Variants in RIMS1 observed in about 807,000 individuals in gnomAD.
RIMS1 encodes the protein regulating synaptic membrane exocytosis 1.
In RIMS1, 83 loss-of-function variants were observed where a neutral mutation model predicts 214.1. The ratio of observed to expected loss-of-function variants is 0.39; its 90% CI spans 0.32 to 0.47. The LOEUF is 0.47. Among genes scored for constraint, RIMS1 ranks in the 20% least tolerant of loss-of-function variants. The pLI is 0.99. For synonymous variants in RIMS1, 793 were observed against 786.8 expected (o/e 1.01, Z -0.13); for missense variants, 2,050 against 2,161.8 (o/e 0.95, Z 1.03).
At chr6:72,377,579 C>A (rs778853728) in intron 29 of RIMS1, among the ~76,000 whole-genome samples, 2 of 151,964 alleles carry the variant, frequency 1.3e-5, no homozygotes, top group Non-Finnish European at 2.9e-5. Flanking sequence ...GAGTAGGGCC[C>A]CAAGCAGAGG....
In RIMS1 at chr6:72,126,497, G is replaced by A. The variant is rs72936915; in HGVS notation, c.471+26511G>A. On this transcript the variant is annotated intron_variant, in intron 4 of 33. Transcript: ENST00000521978. Reference sequence around the variant, plus strand: ...GAGTAAGCCGACAACCCACAAAATAGGGGAAGAGCTTCACAAACTATGCAT... The same window carrying A: ...GAGTAAGCCGACAACCCACAAAATAAGGGAAGAGCTTCACAAACTATGCAT... Among the ~76,000 whole-genome samples, 497 of 152,080 alleles carry A rather than the reference G, an allele frequency of 3.3e-3. 2 individuals carry two copies. The highest frequency in any genetic ancestry group is 5.4e-3 in the Non-Finnish European group (367 of 67,976).
At chr6:72,275,666 T>C (rs2085997287) in intron 23 of RIMS1, among the ~76,000 whole-genome samples, 1 of 152,178 alleles carries the variant, frequency 6.6e-6, no homozygotes. Context: ...ATTTCTAGGA[T>C]AGAAATTCTG....
chr6:72,223,298 A>G (rs2059114879), intron 6 of RIMS1, among the ~76,000 whole-genome samples: 1 of 152,156 alleles, frequency 6.6e-6, no homozygotes, highest in Admixed American at 6.5e-5. Context: ...CCTGCACATC[A>G]GTTCCATTTT....
intron 6 of RIMS1, among the ~76,000 whole-genome samples, chr6:72,219,101 A>G (rs1206948035): frequency 6.6e-6 from 1 of 152,214 alleles, no homozygotes; most frequent in Non-Finnish European, 1.5e-5. Context: ...GCAAATATAT[A>G]TTCTCCCCTA....
intron 26 of RIMS1, among the ~76,000 whole-genome samples, chr6:72,292,888 G>T (rs1412737842): frequency 6.6e-6 from 1 of 151,988 alleles, no homozygotes; most frequent in Non-Finnish European, 1.5e-5. Context: ...TTATCCCTAT[G>T]AAACAACTGA....
intron 4 of RIMS1, among the ~76,000 whole-genome samples, chr6:72,110,747 G>C (rs1450896213): frequency 9.2e-5 from 14 of 152,054 alleles, no homozygotes; most frequent in Admixed American, 4.6e-4. Flanking sequence ...ATGTTGAATA[G>C]GAGTGGTGAG....
At chr6:72,204,098 A>T (rs1018554251) in intron 6 of RIMS1, among the ~76,000 whole-genome samples, 12 of 152,214 alleles carry the variant, frequency 7.9e-5, no homozygotes, top group African/African-American at 2.9e-4. Flanking sequence ...CTGACTGACT[A>T]GCAGGTGTGA....
At chr6:71,906,301 A>G (rs1480401954) in intron 1 of RIMS1, among the ~76,000 whole-genome samples, 1 of 152,118 alleles carries the variant, frequency 6.6e-6, no homozygotes, top group Non-Finnish European at 1.5e-5. Flanking sequence ...TTCTCCTCTC[A>G]GAGTACAGTA....
chr6:71,898,882 A>T (rs1326643579), intron 1 of RIMS1, among the ~76,000 whole-genome samples: 1 of 151,884 alleles, frequency 6.6e-6, no homozygotes, highest in Non-Finnish European at 1.5e-5. Flanking sequence ...CCCTTTTTAC[A>T]CTTGGTTCCA....
intron 6 of RIMS1, among the ~76,000 whole-genome samples, chr6:72,210,574 G>C (rs2154005804): frequency 6.6e-6 from 1 of 152,286 alleles, no homozygotes; most frequent in South Asian, 2.1e-4. Flanking sequence ...ACTTAGTGCG[G>C]ATTTATTTGC....
At chr6:71,964,162 T>G (rs958437404) in intron 1 of RIMS1, among the ~76,000 whole-genome samples, 7 of 152,052 alleles carry the variant, frequency 4.6e-5, no homozygotes, top group African/African-American at 1.7e-4. Context: ...AGCAAAGACT[T>G]TAAAGAAGTA....
chr6:72,141,448 T>C (rs1447056567), intron 4 of RIMS1, among the ~76,000 whole-genome samples: 1 of 152,000 alleles, frequency 6.6e-6, no homozygotes, highest in African/African-American at 2.4e-5. Context: ...GATAATCCAT[T>C]ATTGTGACAC....
intron 29 of RIMS1, among the ~76,000 whole-genome samples, chr6:72,378,641 C>T (rs1210637788): frequency 6.6e-6 from 1 of 152,066 alleles, no homozygotes; most frequent in Non-Finnish European, 1.5e-5. Flanking sequence ...ACCAGCCTGG[C>T]CAACATGGCA....
intron 24 of RIMS1, 130 bp downstream of exon 24, chr6:72,284,248 AC>A: frequency 1.6e-6 from 1 of 620,592 alleles, no homozygotes; most frequent in Non-Finnish European, 2.8e-6. Context: ...ATGTAACTAA[AC>A]CTACCCCTAA....
chr6:72,299,423 T>TG lies in RIMS1; in HGVS notation c.3850+7378dup, dbSNP rs201791333. ...AGGAACAAAGTAAATAGCATTTTGG[T>TG]GCTTTTTGCTTTTCTGTTTCACTAA... On this transcript the variant is annotated intron_variant, in intron 26 of 33. Coordinates refer to ENST00000521978, the MANE Select transcript of RIMS1 (RefSeq NM_014989.7). 4.8e-3 allele frequency among the ~76,000 whole-genome samples: 732 copies of TG among 152,038 alleles called. 3 individuals carry two copies. Among genetic ancestry groups the TG allele is most frequent in the South Asian group, 0.018 (89 of 4,826 alleles).
intron 1 of RIMS1, among the ~76,000 whole-genome samples, chr6:71,905,454 T>A (rs1264034105): frequency 1.3e-5 from 2 of 152,044 alleles, no homozygotes; most frequent in Admixed American, 1.3e-4. Context: ...CATACATTAT[T>A]GTTGCCATTG....
intron 4 of RIMS1, among the ~76,000 whole-genome samples, chr6:72,146,609 T>C (rs1239340338): frequency 6.6e-6 from 1 of 152,240 alleles, no homozygotes; most frequent in East Asian, 1.9e-4. Flanking sequence ...TAATAACCTT[T>C]TGAATTTAGT....
At chr6:72,290,637 G>A in intron 24 of RIMS1, 42 bp from the exon 25 acceptor site, 2 of 1,568,760 alleles carry the variant, frequency 1.3e-6, no homozygotes, top group Non-Finnish European at 1.7e-6. Flanking sequence ...AAGTTAATGT[G>A]AACCTGCTGA....
At chr6:72,215,597 T>C (rs2055568591) in intron 6 of RIMS1, among the ~76,000 whole-genome samples, 1 of 152,232 alleles carries the variant, frequency 6.6e-6, no homozygotes, top group Non-Finnish European at 1.5e-5. Flanking sequence ...ATTAACTAAA[T>C]AAAATTAATA....
Sources: gnomAD v4.1 joint callset for allele counts (sites outside exome capture counted in the v4.1 genomes callset) on GRCh38, gnomAD v4.1.1 for gene constraint, MANE v1.5 for transcripts, NCBI Gene and HGNC (gene_info 2026-07-23, HGNC 2026-07-21) for gene names.